The following RBMS3 variants were observed in gnomAD, a reference collection of about 807,000 sequenced individuals.
RBMS3 encodes the protein RNA binding motif single stranded interacting protein 3, also known as RNA-binding motif, single-stranded-interacting protein 3.
A neutral mutation model predicts 66.8 loss-of-function variants in RBMS3; 27 were observed. The ratio of observed to expected loss-of-function variants is 0.40; its 90% CI spans 0.30 to 0.56. The LOEUF (loss-of-function observed/expected upper bound fraction) is 0.56. Among genes scored for constraint, RBMS3 ranks in the 20% least tolerant of loss-of-function variants. The pLI, the probability that RBMS3 is intolerant of heterozygous loss-of-function variation, is 0.40. For missense variants in RBMS3, 513 were observed against 549.5 expected (o/e 0.93, Z 0.66); for synonymous variants, 188 against 183.0 (o/e 1.03, Z -0.22).
Position 29,638,880 on chromosome 3 carries a change from A to T in RBMS3, c.399+51675A>T, listed in dbSNP as rs143781134. Among the ~76,000 whole-genome samples the T allele has an allele frequency of 5.9e-5, 9 of 151,938 alleles. No individual in the cohort carries two copies. The East Asian group carries it at 1.7e-3, about 29-fold the overall frequency. ...GATCAGACATTGCTTCGAGCTGGAA[A>T]ATTTTCTTAATGTATATCGCTGTAA... On this transcript the variant is annotated intron_variant, in intron 4 of 14. Transcript: ENST00000383767.
At chr3:29,903,879 A>G (rs2060312716) in intron 10 of RBMS3, among the ~76,000 whole-genome samples, 1 of 152,014 alleles carries the variant, frequency 6.6e-6, no homozygotes, top group Non-Finnish European at 1.5e-5. Flanking sequence ...ATAAAAAATT[A>G]TAATCGTTAT....
At chr3:29,926,527 G>C (rs141673521) in intron 10 of RBMS3, among the ~76,000 whole-genome samples, 387 of 152,288 alleles carry the variant, frequency 2.5e-3, no homozygotes, top group Non-Finnish European at 4.5e-3. Flanking sequence ...CCTGTGGTTT[G>C]AGCAATGATT....
chr3:29,875,628 C>T (rs1386935574), intron 7 of RBMS3, among the ~76,000 whole-genome samples: 1 of 151,696 alleles, frequency 6.6e-6, no homozygotes, highest in Admixed American at 6.6e-5. Context: ...ACAGATGAAC[C>T]TACATAAAAT....
At chr3:29,424,218 T>G (rs2040855787) in intron 1 of RBMS3, among the ~76,000 whole-genome samples, 1 of 152,190 alleles carries the variant, frequency 6.6e-6, no homozygotes. Flanking sequence ...TTGAGGAATA[T>G]GTGGGATTTG....
At chr3:29,538,483 T>G (rs1576162668) in intron 3 of RBMS3, among the ~76,000 whole-genome samples, 1 of 152,330 alleles carries the variant, frequency 6.6e-6, no homozygotes, top group South Asian at 2.1e-4. Flanking sequence ...TTATTATAAC[T>G]GAGGAAGTCC....
intron 1 of RBMS3, among the ~76,000 whole-genome samples, chr3:29,316,971 C>T (rs1405084066): frequency 6.6e-6 from 1 of 151,704 alleles, no homozygotes; most frequent in Non-Finnish European, 1.5e-5. Flanking sequence ...TTTTCTGAAA[C>T]TCTAATTTGA....
At chr3:29,378,496 AAAC>A (rs869201774) in intron 1 of RBMS3, among the ~76,000 whole-genome samples, 3,370 of 21,612 alleles carry the variant, frequency 0.16, 108 homozygotes, top group African/African-American at 0.22. Flanking sequence ...TTAAAAAAAA[AAAC>A]AAAAAACAAC....
intron 12 of RBMS3, among the ~76,000 whole-genome samples, chr3:29,958,323 T>C (rs1696182883): frequency 6.6e-6 from 1 of 152,174 alleles, no homozygotes; most frequent in Non-Finnish European, 1.5e-5. Context: ...TTTTTGTTGT[T>C]CCTGTCTTTG....
At chr3:29,379,450 T>A (rs1398032061) in intron 1 of RBMS3, among the ~76,000 whole-genome samples, 1 of 152,146 alleles carries the variant, frequency 6.6e-6, no homozygotes, top group Non-Finnish European at 1.5e-5. Flanking sequence ...GACTGGACAA[T>A]TTACAGAAGG....
Position 29,963,537 on chromosome 3 carries a change from T to C in RBMS3, c.1098+19283T>C, listed in dbSNP as rs147871866. Among the ~76,000 whole-genome samples the C allele has an allele frequency of 4.3e-3, 655 of 152,222 alleles. 2 individuals are homozygous for C. Among genetic ancestry groups the C allele is most frequent in the South Asian group, 6.6e-3 (32 of 4,824 alleles). Reference sequence around the variant, plus strand: ...CACTTAAGAGAATCACAATGAACATTTTCACATTGGCTAAGCTCGGTGTCT... The same window carrying C: ...CACTTAAGAGAATCACAATGAACATCTTCACATTGGCTAAGCTCGGTGTCT... On this transcript the variant is annotated intron_variant, in intron 12 of 14. Coordinates refer to ENST00000383767, the MANE Select transcript of RBMS3 (RefSeq NM_001003793.3).
At chr3:29,333,643 G>A (rs2035791071) in intron 1 of RBMS3, among the ~76,000 whole-genome samples, 1 of 152,146 alleles carries the variant, frequency 6.6e-6, no homozygotes. Flanking sequence ...GGGTGGGTAA[G>A]TCTTGAAATA....
At chr3:29,318,095 G>C (rs1337929293) in intron 1 of RBMS3, among the ~76,000 whole-genome samples, 3 of 151,684 alleles carry the variant, frequency 2.0e-5, no homozygotes, top group Non-Finnish European at 4.4e-5. Flanking sequence ...TGTCCTGCAA[G>C]TCTTCAGTAT....
At chr3:30,003,742 A>G (rs1388347350) in intron 14 of RBMS3, 114 bp from the exon 15 acceptor site, 3 of 635,562 alleles carry the variant, frequency 4.7e-6, no homozygotes, top group East Asian at 3.1e-5. Context: ...TTTTGTGACT[A>G]TGTTACATTG....
At chr3:29,806,713 A>G (rs1051368205) in intron 6 of RBMS3, among the ~76,000 whole-genome samples, 1 of 151,916 alleles carries the variant, frequency 6.6e-6, no homozygotes, top group African/African-American at 2.4e-5. Context: ...AATTATTACA[A>G]GGTGATGGCA....
At chr3:29,954,035 T>C (rs1299832128) in intron 12 of RBMS3, among the ~76,000 whole-genome samples, 1 of 151,928 alleles carries the variant, frequency 6.6e-6, no homozygotes, top group East Asian at 1.9e-4. Context: ...TCTTATAGCA[T>C]TGATTGCCCT....
chr3:29,670,363 C>T (rs2050944239), intron 4 of RBMS3, among the ~76,000 whole-genome samples: 1 of 152,138 alleles, frequency 6.6e-6, no homozygotes, highest in Non-Finnish European at 1.5e-5. Context: ...ATGATTTCTG[C>T]ATTTCCAACT....
At chr3:29,354,034 T>G (rs1442809508) in intron 1 of RBMS3, among the ~76,000 whole-genome samples, 1 of 152,122 alleles carries the variant, frequency 6.6e-6, no homozygotes, top group Non-Finnish European at 1.5e-5. Context: ...AAGCCTTTCA[T>G]TTTGGTTTTC....
At chr3:29,712,650 T>C (rs1182155242) in intron 4 of RBMS3, among the ~76,000 whole-genome samples, 1 of 152,092 alleles carries the variant, frequency 6.6e-6, no homozygotes, top group African/African-American at 2.4e-5. Flanking sequence ...GTAAAGAAGA[T>C]CTGCCCTCAC....
intron 6 of RBMS3, among the ~76,000 whole-genome samples, chr3:29,788,090 G>A (rs1260205250): frequency 6.6e-6 from 1 of 151,910 alleles, no homozygotes; most frequent in Non-Finnish European, 1.5e-5. Context: ...GTGTCCAGAG[G>A]CTGCTCCTGA....
Sources: gnomAD v4.1 joint callset for allele counts (sites outside exome capture counted in the v4.1 genomes callset) on GRCh38, gnomAD v4.1.1 for gene constraint, MANE v1.5 for transcripts, NCBI Gene and HGNC (gene_info 2026-07-23, HGNC 2026-07-21) for gene names.